IL1RAPL2: variants seen among roughly 807,000 people sequenced by gnomAD.
IL1RAPL2 encodes interleukin 1 receptor accessory protein like 2, also known as X-linked interleukin-1 receptor accessory protein-like 2.
IL1RAPL2 carries 3 observed loss-of-function variants against 44.1 expected under a neutral mutation model. The observed-to-expected ratio is 0.07, with a 90% CI of 0.03 to 0.18. The LOEUF (loss-of-function observed/expected upper bound fraction) is 0.18. Ranked by LOEUF, IL1RAPL2 falls within the 10% of genes least tolerant of loss-of-function variation. The pLI is 1.00. For missense variants in IL1RAPL2, 391 were observed against 496.4 expected, an observed-to-expected ratio of 0.79 and a Z score of 2.02; for synonymous variants, 181 against 178.8, an observed-to-expected ratio of 1.01 and a Z score of -0.10.
At chrX:104,609,478 A>G (rs1260987622) in intron 1 of IL1RAPL2, among the ~76,000 whole-genome samples, 1 of 112,252 alleles carries the variant, frequency 8.9e-6, no homozygotes, top group Non-Finnish European at 1.9e-5. Flanking sequence ...CATCACTTCC[A>G]GGTACACCAA....
chrX:104,981,181 T>C (rs1337722811), intron 2 of IL1RAPL2, among the ~76,000 whole-genome samples: 1 of 109,640 alleles, frequency 9.1e-6, no homozygotes, highest in Non-Finnish European at 1.9e-5. Flanking sequence ...TTTTATTATA[T>C]GGGTAAATTC....
At chrX:105,260,860 A>C (rs1194385271) in intron 4 of IL1RAPL2, among the ~76,000 whole-genome samples, 1 of 112,177 alleles carries the variant, frequency 8.9e-6, no homozygotes, top group Non-Finnish European at 1.9e-5. Context: ...CAATGCCCCT[A>C]CCGGTGGCTA....
intron 7 of IL1RAPL2, among the ~76,000 whole-genome samples, chrX:105,727,757 G>T (rs1337888326): frequency 3.6e-5 from 4 of 111,745 alleles, no homozygotes; most frequent in Admixed American, 9.5e-5. Flanking sequence ...GACGGTATTT[G>T]TTTATTAATA....
At chrX:104,828,219 G>T (rs1446238570) in intron 2 of IL1RAPL2, among the ~76,000 whole-genome samples, 1 of 112,036 alleles carries the variant, frequency 8.9e-6, no homozygotes, top group Non-Finnish European at 1.9e-5. Flanking sequence ...TTGGTTTTTT[G>T]AATTTTCAGC....
chrX:105,163,078 C>G (rs889847462), intron 2 of IL1RAPL2, among the ~76,000 whole-genome samples: 2 of 111,881 alleles, frequency 1.8e-5, no homozygotes, highest in Admixed American at 1.9e-4. Context: ...GGGGCTAAAT[C>G]TGGCTCACCA....
At chrX:104,983,237 C>A (rs1811660054) in intron 2 of IL1RAPL2, among the ~76,000 whole-genome samples, 1 of 108,019 alleles carries the variant, frequency 9.3e-6, no homozygotes, top group Non-Finnish European at 1.9e-5. Context: ...ACAGTAACCA[C>A]TGTTGAATGA....
chrX:104,893,408 T>A (rs201623886), intron 2 of IL1RAPL2, among the ~76,000 whole-genome samples: 3 of 111,225 alleles, frequency 2.7e-5, no homozygotes, highest in East Asian at 5.7e-4. Flanking sequence ...CCCATTATTA[T>A]TGTGTGGGAG....
At chrX:105,265,344 C>G (rs868252803) in intron 4 of IL1RAPL2, among the ~76,000 whole-genome samples, 1 of 111,926 alleles carries the variant, frequency 8.9e-6, no homozygotes, top group Non-Finnish European at 1.9e-5. Flanking sequence ...GGAAACAATG[C>G]GAAAATAATT....
chrX:105,710,359 C>CTTTTTT (rs61023852), intron 6 of IL1RAPL2, among the ~76,000 whole-genome samples: 4 of 65,853 alleles, frequency 6.1e-5, no homozygotes, highest in Admixed American at 2.3e-4. Context: ...GAAAATCCTA[C>CTTTTTT]TTTTTTTTTT....
At chrX:104,917,104 C>T (rs1245236262) in intron 2 of IL1RAPL2, among the ~76,000 whole-genome samples, 1 of 111,555 alleles carries the variant, frequency 9.0e-6, no homozygotes, top group African/African-American at 3.3e-5. Context: ...AGGGAGGATT[C>T]CCTCTTTTTC....
intron 2 of IL1RAPL2, among the ~76,000 whole-genome samples, chrX:104,713,856 A>T: frequency 9.0e-6 from 1 of 110,870 alleles, no homozygotes; most frequent in Middle Eastern, 4.6e-3. Flanking sequence ...CTCATGGGCC[A>T]TTGGTCAGAA....
intron 5 of IL1RAPL2, among the ~76,000 whole-genome samples, chrX:105,480,149 A>C (rs1279631959): frequency 8.9e-6 from 1 of 112,471 alleles, no homozygotes; most frequent in Non-Finnish European, 1.9e-5. Context: ...TCATAACAGT[A>C]GGTAACACTT....
chrX:105,498,468 A>G (rs2036370753), intron 6 of IL1RAPL2, among the ~76,000 whole-genome samples: 1 of 111,823 alleles, frequency 8.9e-6, no homozygotes. Flanking sequence ...ATGATTACCC[A>G]AAGTGATCTT....
Position 105,412,136 on chromosome X carries a change from C to A in IL1RAPL2, c.698-72177C>A, listed in dbSNP as rs1436029598. Among the ~76,000 whole-genome samples, 4 of 110,363 alleles carry A rather than the reference C, an allele frequency of 3.6e-5. No homozygotes were observed. In the East Asian group the frequency reaches 1.1e-3, roughly 31 times the overall value. On this transcript the variant is annotated intron_variant, in intron 5 of 10. Coordinates refer to ENST00000372582, the MANE Select transcript of IL1RAPL2 (RefSeq NM_017416.2). ...CAATGGAAAACACATCATACAAAAA[C>A]CTGTGGGACACAACAAAAGCAGTTC...
chrX:104,980,694 C>T (rs1423934578), intron 2 of IL1RAPL2, among the ~76,000 whole-genome samples: 1 of 112,420 alleles, frequency 8.9e-6, no homozygotes, highest in Admixed American at 9.4e-5. Context: ...CAGTAACATG[C>T]TGTTTTGGTT....
intron 1 of IL1RAPL2, among the ~76,000 whole-genome samples, chrX:104,598,413 A>G (rs1489546773): frequency 8.9e-6 from 1 of 112,275 alleles, no homozygotes; most frequent in African/African-American, 3.2e-5. Flanking sequence ...AGTCGCAGCC[A>G]TCTCCATATT....
At chrX:105,370,416 CT>C (rs1244528200) in intron 5 of IL1RAPL2, among the ~76,000 whole-genome samples, 2 of 111,248 alleles carry the variant, frequency 1.8e-5, no homozygotes, top group South Asian at 3.8e-4. Context: ...CTATTGTTCC[CT>C]TTTTTTGTGT....
intron 2 of IL1RAPL2, among the ~76,000 whole-genome samples, chrX:104,904,694 G>A (rs942212168): frequency 5.5e-5 from 6 of 109,865 alleles, no homozygotes; most frequent in African/African-American, 1.7e-4. Context: ...TCTCAATCCA[G>A]TCTATCATTG....
rs141854875 is a variant in IL1RAPL2 at position 105,634,632 on chromosome X, T to G, written c.773-82735T>G. On this transcript the variant is annotated intron_variant, in intron 6 of 10. Coordinates refer to ENST00000372582, the MANE Select transcript of IL1RAPL2 (RefSeq NM_017416.2). ...TATTCTAATAGTTGGAGGGGGTTAA[T>G]GACAGATGTCAAGTATGTACATAAT... 2.7e-5 allele frequency among the ~76,000 whole-genome samples: 3 copies of G among 111,622 alleles called. No homozygotes were observed. The East Asian group carries it at 8.5e-4, about 32-fold the overall frequency.
Sources: gnomAD v4.1 joint callset for allele counts (sites outside exome capture counted in the v4.1 genomes callset) on GRCh38, gnomAD v4.1.1 for gene constraint, MANE v1.5 for transcripts, NCBI Gene and HGNC (gene_info 2026-07-23, HGNC 2026-07-21) for gene names.